The following XKR5 variants were observed in gnomAD, a reference collection of about 807,000 sequenced individuals.
XKR5 encodes the protein XK related 5.
XKR5 carries 46 observed loss-of-function variants against 40.8 expected under a neutral mutation model. The observed-to-expected ratio is 1.13, with a 90% CI of 0.89 to 1.44. XKR5 has a LOEUF of 1.44. XKR5 is among the 40% of genes most tolerant of loss of function. The pLI, the probability that XKR5 is intolerant of heterozygous loss-of-function variation, is 0.00. For missense variants in XKR5, 1,169 were observed against 844.7 expected, an observed-to-expected ratio of 1.38 and a Z score of -4.76; for synonymous variants, 466 against 356.1, an observed-to-expected ratio of 1.31 and a Z score of -3.48.
Position 6,815,862 on chromosome 8 carries a change from C to T in XKR5, c.864G>A (p.Gly288=), listed in dbSNP as rs371270930. The part of the protein sequence containing the change: ...LLLLATDFLQ[G]ASWTSLQTIA... The stretch of plus-strand genomic sequence containing the variant: ...TGGTCTGCAGGCTGGTCCACGATGC[C>T]CCCTGGAGAAAGTCGGTGGCCAACA... Residue 288 remains glycine (G), a synonymous_variant, in exon 6 of 7, where the codon GGG becomes GGA. Transcript: ENST00000618742. 5.9e-5 allele frequency: 94 copies of T among 1,605,874 alleles called. No homozygotes were observed. Among genetic ancestry groups the T allele is most frequent in the Non-Finnish European group, 7.7e-5 (90 of 1,176,374 alleles).
At chr8:6,833,133 C>T (rs972876397) in intron 1 of XKR5, among the ~76,000 whole-genome samples, 3 of 152,200 alleles carry the variant, frequency 2.0e-5, no homozygotes, top group African/African-American at 7.2e-5. Context: ...AGCCAGACCT[C>T]CCCTACCTGG....
At chr8:6,816,089 T>A (rs1195198619) in intron 5 of XKR5, among the ~76,000 whole-genome samples, 171 bp from the exon 6 acceptor site, 2 of 152,012 alleles carry the variant, frequency 1.3e-5, no homozygotes, top group African/African-American at 4.8e-5. Context: ...TGAGACCTTC[T>A]CTGGCAAAGA....
At chr8:6,812,951 T>G (rs1344597333) in intron 6 of XKR5, among the ~76,000 whole-genome samples, 1 of 152,264 alleles carries the variant, frequency 6.6e-6, no homozygotes, top group Non-Finnish European at 1.5e-5. Flanking sequence ...TGATCAGAAG[T>G]GTTGACTGCT....
chr8:6,816,989 C>T (rs1363875738), intron 5 of XKR5, among the ~76,000 whole-genome samples: 3 of 152,154 alleles, frequency 2.0e-5, no homozygotes, highest in Admixed American at 6.5e-5. Flanking sequence ...GCCCTAAATG[C>T]CTTGGCCAGC....
At chr8:6,834,713 A>G (rs538953876) in intron 1 of XKR5, among the ~76,000 whole-genome samples, 2 of 146,186 alleles carry the variant, frequency 1.4e-5, no homozygotes, top group Admixed American at 1.3e-4. Flanking sequence ...AAGCTTCCGC[A>G]GGGAGCCCGG....
rs1323580064 is a variant in XKR5, at chr8:6,835,467, C to G, written c.27G>C (p.Ser9=). MHARLLGL[S]ALLQAAEQSA... Reference sequence around the variant, plus strand: ...TCTGCTCGGCCGCCTGCAGCAGGGCCGAGAGCCCCAGGAGCCTCGCGTGCA... The same window carrying G: ...TCTGCTCGGCCGCCTGCAGCAGGGCGGAGAGCCCCAGGAGCCTCGCGTGCA... The change falls in exon 1 of 7, where the codon TCG becomes TCC. Residue 9 remains serine (S), a synonymous_variant. Coordinates refer to ENST00000618742, the MANE Select transcript of XKR5 (RefSeq NM_207411.5). 2.0e-6 allele frequency: 3 copies of G among 1,502,016 alleles called. No individual in the cohort carries two copies. Among genetic ancestry groups the G allele is most frequent in the African/African-American group, 2.9e-5 (2 of 69,344 alleles). The allele number at this position is 1,502,016 out of a possible 1,614,324, so 93.0% of individuals were successfully genotyped here.
At chr8:6,823,897 AC>A (rs1484825966) in intron 3 of XKR5, among the ~76,000 whole-genome samples, 167 bp from the exon 4 acceptor site, 4 of 152,254 alleles carry the variant, frequency 2.6e-5, no homozygotes, top group African/African-American at 9.6e-5. Flanking sequence ...AGGTAACATA[AC>A]AACTCTATGT....
chr8:6,811,438 A>G lies in XKR5; in HGVS notation c.1821T>C (p.Cys607=), dbSNP rs755083770. The part of the protein sequence containing the change: ...DISPILGTGP[C]RGFCPSAGFP... ...AGCCTGCACTGGGGCAGAAGCCTCT[A>G]CATGGGCCTGTGCCTAGGATGGGGC... The change falls in exon 7 of 7, where the codon TGT becomes TGC. Residue 607 remains cysteine, a synonymous_variant. Coordinates refer to ENST00000618742, the MANE Select transcript of XKR5 (RefSeq NM_207411.5). 3 of 1,536,704 alleles carry G rather than the reference A, an allele frequency of 2.0e-6. No homozygotes were observed. In the South Asian group the frequency reaches 3.6e-5, roughly 18 times the overall value.
chr8:6,813,949 A>G (rs996821286), intron 6 of XKR5, among the ~76,000 whole-genome samples: 3 of 152,150 alleles, frequency 2.0e-5, no homozygotes, highest in African/African-American at 7.2e-5. Context: ...CCCTCCCACC[A>G]CACTGCCCCC....
At chr8:6,823,460 C>T in intron 4 of XKR5, 61 bp downstream of exon 4, 2 of 1,520,008 alleles carry the variant, frequency 1.3e-6, no homozygotes, top group Non-Finnish European at 1.8e-6. Context: ...TTCTTGAGAC[C>T]TTCATTTCTG....
chr8:6,828,791 C>G (rs1417238299), intron 2 of XKR5, among the ~76,000 whole-genome samples: 1 of 152,222 alleles, frequency 6.6e-6, no homozygotes, highest in African/African-American at 2.4e-5. Context: ...TGCTCAAACC[C>G]TTCCAACAGG....
At position 6,811,737 on chromosome 8, in the gene XKR5, C is replaced by T. The variant is rs531120069; in HGVS notation, c.1522G>A (p.Gly508Arg). The T allele has an allele frequency of 5.9e-6, 9 of 1,537,614 alleles. No homozygotes were observed. Among genetic ancestry groups the T allele is most frequent in the African/African-American group, 1.4e-5 (1 of 73,178 alleles). The change falls in exon 7 of 7, where the codon GGG (glycine) becomes AGG (arginine). Residue 508 changes from glycine (G) to arginine (R), a missense_variant. Physicochemically the swap from Gly to Arg is moderately radical, Grantham distance 125. Coordinates refer to ENST00000618742, the MANE Select transcript of XKR5 (RefSeq NM_207411.5). ...APTQNPAATQGEGTPKEGADA... is the reference protein window; with the variant it reads ...APTQNPAATQREGTPKEGADA... Reference sequence around the variant, plus strand: ...GCTCCTTCCTTTGGGGTGCCCTCCCCCTGCGTGGCTGCTGGGTTCTGGGTA... The same window carrying T: ...GCTCCTTCCTTTGGGGTGCCCTCCCTCTGCGTGGCTGCTGGGTTCTGGGTA...
At chr8:6,817,576 C>A (rs138245552) in intron 5 of XKR5, among the ~76,000 whole-genome samples, 1 of 152,100 alleles carries the variant, frequency 6.6e-6, no homozygotes, top group Non-Finnish European at 1.5e-5. Flanking sequence ...ACGATGCTGA[C>A]CTCAGTCTCC....
In XKR5 at chr8:6,811,177, C is replaced by G. The variant is rs1171653510; in HGVS notation, c.*21G>C. The G allele has an allele frequency of 6.6e-7, 1 of 1,519,254 alleles. No homozygotes were observed. Among genetic ancestry groups the G allele is most frequent in the Non-Finnish European group, 8.8e-7 (1 of 1,135,628 alleles). The allele number at this position is 1,519,254 out of a possible 1,614,324, so 94.1% of individuals were successfully genotyped here. A position where few individuals can be genotyped will look rare whatever the true frequency, so the allele number is the denominator to read the frequency against. ...CCAGCTTGGTTTGTCAGCCTGTTGT[C>G]TTATCCCACCATGACTGTGGTCAGA... On this transcript the variant is annotated 3_prime_UTR_variant, in exon 7 of 7. Coordinates refer to ENST00000618742, the MANE Select transcript of XKR5 (RefSeq NM_207411.5).
At chr8:6,817,461 C>A (rs1251606881) in intron 5 of XKR5, among the ~76,000 whole-genome samples, 1 of 152,078 alleles carries the variant, frequency 6.6e-6, no homozygotes, top group Non-Finnish European at 1.5e-5. Context: ...CAACCCTGGC[C>A]AACGAGAACT....
intron 2 of XKR5, among the ~76,000 whole-genome samples, chr8:6,831,468 T>G (rs1360050516): frequency 1.3e-5 from 2 of 152,120 alleles, no homozygotes; most frequent in East Asian, 3.9e-4. Context: ...ACCCTCTACC[T>G]CCTAGCTGAG....
chr8:6,812,471 G>A, intron 6 of XKR5, 132 bp from the exon 7 acceptor site: 1 of 906,572 alleles, frequency 1.1e-6, no homozygotes, highest in Admixed American at 3.0e-5. Context: ...ACTCTTGTTG[G>A]AGCCTCAGAA....
intron 5 of XKR5, among the ~76,000 whole-genome samples, chr8:6,821,509 C>T (rs10104503): frequency 0.22 from 33,564 of 152,136 alleles, 4,246 homozygotes; most frequent in Non-Finnish European, 0.28. Flanking sequence ...GGATCTTATT[C>T]ATAAACCCCT....
At chr8:6,834,718 G>A (rs1338148663) in intron 1 of XKR5, among the ~76,000 whole-genome samples, 1 of 145,506 alleles carries the variant, frequency 6.9e-6, no homozygotes, top group African/African-American at 2.8e-5. Context: ...TCCGCAGGGA[G>A]CCCGGCGGAA....
Sources: gnomAD v4.1 joint callset for allele counts (sites outside exome capture counted in the v4.1 genomes callset) on GRCh38, gnomAD v4.1.1 for gene constraint, MANE v1.5 for transcripts, NCBI Gene and HGNC (gene_info 2026-07-23, HGNC 2026-07-21) for gene names.